MEX3A: variants seen among roughly 807,000 people sequenced by gnomAD.
MEX3A encodes the protein RNA-binding protein MEX3A.
MEX3A carries 4 observed loss-of-function variants against 30.0 expected under a neutral mutation model. The observed-to-expected ratio is 0.13, with a 90% CI of 0.07 to 0.30. The LOEUF (loss-of-function observed/expected upper bound fraction) is 0.30, where lower values mean the gene tolerates loss of function less well. Among genes scored for constraint, MEX3A ranks in the 10% least tolerant of loss-of-function variants. MEX3A has a pLI of 1.00. For missense variants in MEX3A, 555 were observed against 736.7 expected, an observed-to-expected ratio of 0.75 and a Z score of 2.86; for synonymous variants, 335 against 327.6, an observed-to-expected ratio of 1.02 and a Z score of -0.24.
rs892387332 is a variant in MEX3A at position 156,077,158 on chromosome 1, C to T, written c.979G>A (p.Gly327Ser). 3 of 1,613,406 alleles carry T rather than the reference C, an allele frequency of 1.9e-6. No individual in the cohort carries two copies. The highest frequency in any genetic ancestry group is 2.7e-5 in the African/African-American group (2 of 74,948). The change falls in exon 2 of 2, where the codon GGC becomes AGC. Residue 327 changes from glycine (G) to serine (S), a missense_variant. Physicochemically the swap from Gly to Ser is moderately conservative, Grantham distance 56. Coordinates refer to ENST00000532414, the MANE Select transcript of MEX3A (RefSeq NM_001093725.2). This position sits in a 1 kb window ranked among gnomAD's most constrained non-coding sequence, Gnocchi z 8.3. ...YSDAWRVHQP[G>S]CKPLSTFRQN... Reference sequence around the variant, plus strand: ...CGGAAGGTGGAGAGGGGCTTGCAGCCGGGCTGGTGCACCCGCCAGGCGTCG... The same window carrying T: ...CGGAAGGTGGAGAGGGGCTTGCAGCTGGGCTGGTGCACCCGCCAGGCGTCG...
At chr1:156,081,002 C>A (rs375845478) in intron 1 of MEX3A, among the ~76,000 whole-genome samples, 3 of 152,158 alleles carry the variant, frequency 2.0e-5, no homozygotes, top group Non-Finnish European at 4.4e-5. Context: ...CCCCCCTCAC[C>A]GCCTCTTCCC....
chr1:156,081,467 G>A (rs1572301418), intron 1 of MEX3A, 78 bp downstream of exon 1: 1 of 1,280,468 alleles, frequency 7.8e-7, no homozygotes, highest in Non-Finnish European at 1.1e-6. Context: ...GGCAAGAAGG[G>A]AAGAAATGAA....
In MEX3A at chr1:156,081,558, G is replaced by A. The variant is rs1219568913; in HGVS notation, c.441C>T (p.Ile147=). 2.5e-6 allele frequency: 4 copies of A among 1,603,994 alleles called. No homozygotes were observed. Among genetic ancestry groups the A allele is most frequent in the Non-Finnish European group, 3.4e-6 (4 of 1,177,092 alleles). The change falls in exon 1 of 2, where the codon ATC becomes ATT. Residue 147 remains isoleucine (I), a synonymous_variant. Transcript: ENST00000532414. ...CGCCCCGCTTACCTTGCCTGCCCAC[G>A]ATCTCGGCCACGTGCTCGGAGGTGG... ...PVPTSEHVAE[I]VGRQGCKIKA...
At position 156,075,892 on chromosome 1, in the gene MEX3A, G is replaced by C. The variant is rs1449856020; in HGVS notation, c.*682C>G. On this transcript the variant is annotated 3_prime_UTR_variant, in exon 2 of 2. Transcript: ENST00000532414. ...CTGCAGGGGACAGGGGCAGAGAGGAGGACTCCTCTCCAGATTCCTCTAGCC... is the reference window on the plus strand; with the variant it reads ...CTGCAGGGGACAGGGGCAGAGAGGACGACTCCTCTCCAGATTCCTCTAGCC... 2 of 152,352 alleles carry C rather than the reference G, an allele frequency of 1.3e-5. No homozygotes were observed. Among genetic ancestry groups the C allele is most frequent in the African/African-American group, 4.8e-5 (2 of 41,360 alleles). The allele number at this position is 152,352 out of a possible 1,614,324, so 9.4% of individuals were successfully genotyped here.
intron 1 of MEX3A, among the ~76,000 whole-genome samples, chr1:156,078,896 C>G (rs771199547): frequency 1.1e-4 from 17 of 152,184 alleles, no homozygotes; most frequent in Non-Finnish European, 2.1e-4. Flanking sequence ...TTCGGCCTTT[C>G]ATACATCCCA....
At position 156,077,158 on chromosome 1, in the gene MEX3A, C is replaced by G; in HGVS notation, c.979G>C (p.Gly327Arg). 1 of 1,613,522 alleles carries G rather than the reference C, an allele frequency of 6.2e-7. No individual in the cohort carries two copies. The highest frequency in any genetic ancestry group is 8.5e-7 in the Non-Finnish European group (1 of 1,179,818). ...YSDAWRVHQP[G>R]CKPLSTFRQN... ...CGGAAGGTGGAGAGGGGCTTGCAGC[C>G]GGGCTGGTGCACCCGCCAGGCGTCG... The change falls in exon 2 of 2, where the codon GGC becomes CGC. Residue 327 changes from glycine (G) to arginine (R), a missense_variant. Gly to Arg is a moderately radical substitution (Grantham distance 125). Coordinates refer to ENST00000532414, the MANE Select transcript of MEX3A (RefSeq NM_001093725.2). The surrounding 1 kb of genome is among the most constrained non-coding windows in gnomAD (Gnocchi z 8.3).
At position 156,076,931 on chromosome 1, in the gene MEX3A, G is replaced by A. The variant is rs927690644; in HGVS notation, c.1206C>T (p.Ser402=). 1 of 1,600,436 alleles carries A rather than the reference G, an allele frequency of 6.2e-7. No individual in the cohort carries two copies. Among genetic ancestry groups the A allele is most frequent in the East Asian group, 2.3e-5 (1 of 43,944 alleles). ...AGGAGGAGGCAGAGGAGAAGAGCAC[G>A]GAGGTGGGCGTGGCGTTCTCCTGGC... ...WAGQENATPT[S]VLFSSASSSS... Residue 402 remains serine, a synonymous_variant, in exon 2 of 2, where the codon TCC becomes TCT. Coordinates refer to ENST00000532414, the MANE Select transcript of MEX3A (RefSeq NM_001093725.2). This position sits in a 1 kb window ranked among gnomAD's most constrained non-coding sequence, Gnocchi z 6.0.
In MEX3A at chr1:156,077,044, A is replaced by G. The variant is rs747599476; in HGVS notation, c.1093T>C (p.Tyr365His). Reference protein sequence around the residue: ...RLGEQGGDFGYGGYLFPGYGV... With the variant: ...RLGEQGGDFGHGGYLFPGYGV... ...TAGCCCGGAAAGAGGTACCCGCCGT[A>G]GCCAAAGTCCCCGCCCTGCTCACCC... The change falls in exon 2 of 2, where the codon TAC (tyrosine) becomes CAC (histidine). Residue 365 changes from tyrosine to histidine, a missense_variant. This residue lies in a region of MEX3A where 281 missense variants were observed against 265.1 expected (regional missense o/e 1.06). Coordinates refer to ENST00000532414, the MANE Select transcript of MEX3A (RefSeq NM_001093725.2). This position sits in a 1 kb window ranked among gnomAD's most constrained non-coding sequence, Gnocchi z 8.3. 7 of 1,613,874 alleles carry G rather than the reference A, an allele frequency of 4.3e-6. No individual in the cohort carries two copies. The highest frequency in any genetic ancestry group is 5.9e-6 in the Non-Finnish European group (7 of 1,179,828).
In MEX3A at chr1:156,073,491, C is replaced by T. The variant is rs1240708713; in HGVS notation, c.*3083G>A. The T allele has an allele frequency of 6.6e-6, 1 of 152,638 alleles. No homozygotes were observed. Among genetic ancestry groups the T allele is most frequent in the East Asian group, 1.9e-4 (1 of 5,332 alleles). The allele number at this position is 152,638 out of a possible 1,614,324, so 9.5% of individuals were successfully genotyped here. ...GGGCAACTCAGGGTGGACTCAGCCA[C>T]TTCCCTCCTCTATTTATCTTTTCCT... On this transcript the variant is annotated 3_prime_UTR_variant, in exon 2 of 2. Transcript: ENST00000532414.
In MEX3A at chr1:156,076,314, A is replaced by G; in HGVS notation, c.*260T>C. On this transcript the variant is annotated 3_prime_UTR_variant, in exon 2 of 2. Coordinates refer to ENST00000532414, the MANE Select transcript of MEX3A (RefSeq NM_001093725.2). This position sits in a 1 kb window ranked among gnomAD's most constrained non-coding sequence, Gnocchi z 6.0. The stretch of plus-strand genomic sequence containing the variant: ...TTTCTCTTAGCTGCTTCCAGATTTA[A>G]GGGTGTGTTGAGGTATCAGAGTTGT... 1 of 380,414 alleles carries G rather than the reference A, an allele frequency of 2.6e-6. No individual in the cohort carries two copies. Among genetic ancestry groups the G allele is most frequent in the South Asian group, 8.2e-5 (1 of 12,148 alleles). The allele number at this position is 380,414 out of a possible 1,614,324, so 23.6% of individuals were successfully genotyped here.
chr1:156,080,268 A>T (rs1648180127), intron 1 of MEX3A, among the ~76,000 whole-genome samples: 4 of 152,152 alleles, frequency 2.6e-5, no homozygotes, highest in Admixed American at 6.5e-5. Flanking sequence ...CAAGAGATGG[A>T]GTGCCCCAGG....
chr1:156,076,572 G>A lies in MEX3A; in HGVS notation c.*2C>T, dbSNP rs762542951. The A allele has an allele frequency of 1.9e-6, 3 of 1,609,904 alleles. No individual in the cohort carries two copies. The highest frequency in any genetic ancestry group is 1.1e-5 in the South Asian group (1 of 90,798). ...GGGCCCCGGAGGCATGGGGCACGGG[G>A]CTTAGGAGAATATTCGGATGGCTTG... On this transcript the variant is annotated 3_prime_UTR_variant, in exon 2 of 2. Transcript: ENST00000532414. This position sits in a 1 kb window ranked among gnomAD's most constrained non-coding sequence, Gnocchi z 6.0.
chr1:156,072,326 A>G lies in MEX3A; in HGVS notation c.*4248T>C, dbSNP rs531457316. On this transcript the variant is annotated 3_prime_UTR_variant, in exon 2 of 2. Coordinates refer to ENST00000532414, the MANE Select transcript of MEX3A (RefSeq NM_001093725.2). ...TCCCCACCCGCACCCTCGAGTGGGG[A>G]AGGGGAAGCCCTCCCCACCCCAGAC... 1.1e-3 allele frequency: 155 copies of G among 141,744 alleles called. No individual in the cohort carries two copies. The highest frequency in any genetic ancestry group is 2.1e-3 in the Non-Finnish European group (138 of 65,082). The allele number at this position is 141,744 out of a possible 1,614,324, so 8.8% of individuals were successfully genotyped here. A position where few individuals can be genotyped will look rare whatever the true frequency, so the allele number is the denominator to read the frequency against.
Position 156,077,246 on chromosome 1 carries a change from C to T in MEX3A, c.891G>A (p.Glu297=), listed in dbSNP as rs766758884. The stretch of plus-strand genomic sequence containing the variant: ...CCAGGAAGTCGTTTTCATTGTTGTA[C>T]TCGAGGATCTTGCCAGTGCGCACCG... ...HIAVRTGKIL[E]YNNENDFLAG... is the part of the protein sequence containing the mutation. The change falls in exon 2 of 2, where the codon GAG becomes GAA. Residue 297 remains glutamate, a synonymous_variant. Transcript: ENST00000532414. The surrounding 1 kb of genome is among the most constrained non-coding windows in gnomAD (Gnocchi z 8.3). The T allele has an allele frequency of 3.7e-6, 6 of 1,613,846 alleles. No homozygotes were observed. The Admixed American group carries it at 1.0e-4, about 27-fold the overall frequency.
Position 156,081,713 on chromosome 1 carries a change from G to T in MEX3A, c.286C>A (p.Pro96Thr). Residue 96 changes from proline (P) to threonine (T), a missense_variant, in exon 1 of 2, where the codon CCC (proline) becomes ACC (threonine). By Grantham distance (38) the Pro-to-Thr change is conservative. Transcript: ENST00000532414. ...GGGGGCTGGGGCGTCTGCGCTGCGG[G>T]GGCCGCCGTCGGGGCGGCCGGGGGC... is the stretch of plus-strand genomic sequence containing the variant. ...AAPPAAPTAA[P>T]AAQTPQPPTA... 7 of 1,143,038 alleles carry T rather than the reference G, an allele frequency of 6.1e-6. No homozygotes were observed. The highest frequency in any genetic ancestry group is 7.6e-6 in the Non-Finnish European group (7 of 919,376). 70.8% of individuals were successfully genotyped at this position (1,143,038 alleles called of 1,614,324 possible).
At chr1:156,079,500 G>A (rs766036718) in intron 1 of MEX3A, among the ~76,000 whole-genome samples, 3 of 152,098 alleles carry the variant, frequency 2.0e-5, no homozygotes, top group Non-Finnish European at 4.4e-5. Flanking sequence ...ACAGGTGTAA[G>A]CCACCACACC....
At position 156,073,773 on chromosome 1, in the gene MEX3A, A is replaced by G. The variant is rs1647979886; in HGVS notation, c.*2801T>C. The stretch of plus-strand genomic sequence containing the variant: ...AATCTAGATCTCTTAAATCTCACAC[A>G]TCTCTGAGGGTTCCTATAGGCCTGC... On this transcript the variant is annotated 3_prime_UTR_variant, in exon 2 of 2. Coordinates refer to ENST00000532414, the MANE Select transcript of MEX3A (RefSeq NM_001093725.2). The G allele has an allele frequency of 6.6e-6, 1 of 152,408 alleles. No homozygotes were observed. Among genetic ancestry groups the G allele is most frequent in the Admixed American group, 6.6e-5 (1 of 15,248 alleles). The allele number at this position is 152,408 out of a possible 1,614,324, so 9.4% of individuals were successfully genotyped here.
chr1:156,081,729 G>T lies in MEX3A; in HGVS notation c.270C>A (p.Ala90=), dbSNP rs1309652986. Reference sequence around the variant, plus strand: ...GCGCTGCGGGGGCCGCCGTCGGGGCGGCCGGGGGCGCCGCGGGCGGCGGCG... The same window carrying T: ...GCGCTGCGGGGGCCGCCGTCGGGGCTGCCGGGGGCGCCGCGGGCGGCGGCG... ...APPPPPAAPP[A]APTAAPAAQT... is the part of the protein sequence containing the mutation. Residue 90 remains alanine (A), a synonymous_variant, in exon 1 of 2, where the codon GCC becomes GCA. Coordinates refer to ENST00000532414, the MANE Select transcript of MEX3A (RefSeq NM_001093725.2). The T allele has an allele frequency of 2.1e-6, 2 of 954,088 alleles. No homozygotes were observed. Among genetic ancestry groups the T allele is most frequent in the African/African-American group, 1.8e-5 (1 of 56,304 alleles). The allele number at this position is 954,088 out of a possible 1,614,324, so 59.1% of individuals were successfully genotyped here.
At position 156,077,452 on chromosome 1, in the gene MEX3A, G is replaced by T. The variant is rs763610580; in HGVS notation, c.685C>A (p.Arg229=). 2 of 1,613,480 alleles carry T rather than the reference G, an allele frequency of 1.2e-6. No homozygotes were observed. The highest frequency in any genetic ancestry group is 1.7e-6 in the Non-Finnish European group (2 of 1,179,686). Residue 229 remains arginine, a synonymous_variant, in exon 2 of 2, where the codon CGG becomes AGG. Coordinates refer to ENST00000532414, the MANE Select transcript of MEX3A (RefSeq NM_001093725.2). This position sits in a 1 kb window ranked among gnomAD's most constrained non-coding sequence, Gnocchi z 8.3. ...AGCCCCACCACGCGGTAGGGCACCC[G>T]CACACGGATGGTCACCTGGCCGGGC... The part of the protein sequence containing the change: ...ALPGQVTIRV[R]VPYRVVGLVV...
Sources: allele counts gnomAD v4.1 joint callset (sites outside exome capture counted in the v4.1 genomes callset), GRCh38; gene constraint gnomAD v4.1.1; regional missense constraint gnomAD v4.1.1; non-coding constraint Gnocchi (gnomAD v3.1); transcripts MANE v1.5; gene names NCBI Gene and HGNC (gene_info 2026-07-23, HGNC 2026-07-21).